The following FAT3 variants were observed in gnomAD, a reference collection of about 807,000 sequenced individuals.
The protein encoded by FAT3 is FAT atypical cadherin 3.
A neutral mutation model predicts 310.2 loss-of-function variants in FAT3; 95 were observed. The ratio of observed to expected loss-of-function variants is 0.31; its 90% CI spans 0.26 to 0.36. FAT3 has a LOEUF of 0.36. FAT3 is among the 10% of genes least tolerant of loss of function. The pLI is 1.00. For synonymous variants in FAT3, 2,314 were observed against 2,192.9 expected (o/e 1.06, Z -1.54); for missense variants, 5,408 against 5,715.6 (o/e 0.95, Z 1.74).
chr11:92,289,500 T>TACACACACACAC (rs10562084), intron 1 of FAT3, among the ~76,000 whole-genome samples: 282 of 144,334 alleles, frequency 2.0e-3, no homozygotes, highest in East Asian at 6.9e-3. Flanking sequence ...CCATGATAGA[T>TACACACACACAC]ACACACACAC....
rs150831066 is a variant in FAT3, at chr11:92,770,998, G to T, written c.4196-3043G>T. Among the ~76,000 whole-genome samples the T allele has an allele frequency of 3.5e-3, 535 of 152,282 alleles. 4 individuals carry two copies. The highest frequency in any genetic ancestry group is 0.012 in the African/African-American group (518 of 41,554). On this transcript the variant is annotated intron_variant, in intron 6 of 27. Coordinates refer to ENST00000525166, the MANE Select transcript of FAT3 (RefSeq NM_001367949.2). ...CCTGTCTTGACCGAAAATGGTCAAA[G>T]AGACACATCCCTGATGTGAATTATC...
chr11:92,740,672 C>T (rs1015005951), intron 4 of FAT3, among the ~76,000 whole-genome samples: 1 of 152,104 alleles, frequency 6.6e-6, no homozygotes, highest in African/African-American at 2.4e-5. Flanking sequence ...AAGATAATTG[C>T]TTTTTCCCCT....
At chr11:92,717,234 A>G (rs779011809) in intron 4 of FAT3, among the ~76,000 whole-genome samples, 1 of 152,180 alleles carries the variant, frequency 6.6e-6, no homozygotes, top group African/African-American at 2.4e-5. Flanking sequence ...AACATATTCA[A>G]TAACTATTTT....
intron 3 of FAT3, among the ~76,000 whole-genome samples, chr11:92,620,535 C>T (rs1000740333): frequency 7.9e-5 from 12 of 152,144 alleles, no homozygotes; most frequent in African/African-American, 2.4e-4. Context: ...CTAACTGTAG[C>T]AATAATCTTG....
At chr11:92,558,402 ATGTGTG>A (rs58362077) in intron 3 of FAT3, among the ~76,000 whole-genome samples, 1 of 150,140 alleles carries the variant, frequency 6.7e-6, no homozygotes, top group African/African-American at 2.4e-5. Context: ...TGTTGTGTTT[ATGTGTG>A]TGTGTGTGTG....
intron 3 of FAT3, among the ~76,000 whole-genome samples, chr11:92,542,632 T>C (rs1954488889): frequency 6.6e-6 from 1 of 151,758 alleles, no homozygotes; most frequent in African/African-American, 2.4e-5. Context: ...AATTGAGATA[T>C]CACCCCACCC....
intron 17 of FAT3, among the ~76,000 whole-genome samples, chr11:92,840,359 G>A (rs1402883652): frequency 6.6e-6 from 1 of 152,194 alleles, no homozygotes; most frequent in Non-Finnish European, 1.5e-5. Context: ...CAAAGATAAG[G>A]AACATGACAC....
intron 19 of FAT3, among the ~76,000 whole-genome samples, chr11:92,850,661 GT>G (rs1202109243): frequency 1.3e-5 from 2 of 152,214 alleles, no homozygotes; most frequent in African/African-American, 4.8e-5. Flanking sequence ...TTTACCATTA[GT>G]TATTGGATTA....
At chr11:92,389,821 A>G (rs890601471) in intron 2 of FAT3, among the ~76,000 whole-genome samples, 3 of 152,210 alleles carry the variant, frequency 2.0e-5, no homozygotes, top group East Asian at 3.9e-4. Flanking sequence ...CTTAAATACT[A>G]TGGAATTAGA....
At chr11:92,683,071 C>CAAA (rs1314048364) in intron 3 of FAT3, among the ~76,000 whole-genome samples, 1 of 34,200 alleles carries the variant, frequency 2.9e-5, no homozygotes, top group Non-Finnish European at 5.3e-5. Flanking sequence ...CAGCAAGACT[C>CAAA]TAAAAAAAAA....
chr11:92,408,383 G>T (rs1479559243), intron 2 of FAT3, among the ~76,000 whole-genome samples: 1 of 152,140 alleles, frequency 6.6e-6, no homozygotes, highest in Non-Finnish European at 1.5e-5. Flanking sequence ...ATAGCAGGGG[G>T]ATAGCTTCGT....
At chr11:92,859,125 T>G (rs1464659588) in intron 20 of FAT3, 40 bp from the exon 21 acceptor site, 1 of 1,586,862 alleles carries the variant, frequency 6.3e-7, no homozygotes, top group South Asian at 1.1e-5. Context: ...CCTTTCTGGA[T>G]GTTAAAAATA....
chr11:92,402,057 A>G (rs971068442), intron 2 of FAT3, among the ~76,000 whole-genome samples: 2 of 152,236 alleles, frequency 1.3e-5, no homozygotes, highest in Non-Finnish European at 2.9e-5. Flanking sequence ...ATTTAAAATA[A>G]TTATGTTTAA....
intron 2 of FAT3, among the ~76,000 whole-genome samples, chr11:92,398,686 T>C (rs1227419922): frequency 6.6e-6 from 1 of 152,110 alleles, no homozygotes; most frequent in Non-Finnish European, 1.5e-5. Flanking sequence ...TCCAACCTAT[T>C]GTGTTTAGGG....
At chr11:92,350,126 CTATTT>C (rs1948525458) in intron 1 of FAT3, among the ~76,000 whole-genome samples, 2 of 152,028 alleles carry the variant, frequency 1.3e-5, no homozygotes, top group Non-Finnish European at 2.9e-5. Context: ...AAACTTTTTC[CTATTT>C]TAGCCAGTAA....
chr11:92,714,856 A>G (rs1012533577), intron 4 of FAT3, among the ~76,000 whole-genome samples: 1 of 152,204 alleles, frequency 6.6e-6, no homozygotes, highest in Non-Finnish European at 1.5e-5. Context: ...GAATGAATGA[A>G]TGAGTGAATG....
chr11:92,225,553 C>T (rs950007085), intron 1 of FAT3, among the ~76,000 whole-genome samples: 1 of 152,058 alleles, frequency 6.6e-6, no homozygotes, highest in South Asian at 2.1e-4. Context: ...GTTCAGGTGG[C>T]GAGCCTGCTT....
chr11:92,890,010 C>T (rs560808838), intron 27 of FAT3, 119 bp downstream of exon 27: 60 of 714,698 alleles, frequency 8.4e-5, no homozygotes, highest in Admixed American at 1.4e-4. Flanking sequence ...TCAGGTGTCT[C>T]GTGCGCTCAG....
At chr11:92,633,291 T>G (rs1941624908) in intron 3 of FAT3, among the ~76,000 whole-genome samples, 1 of 152,166 alleles carries the variant, frequency 6.6e-6, no homozygotes, top group South Asian at 2.1e-4. Context: ...AGTCCTAGTT[T>G]CACTTGGGCT....
Sources: gnomAD v4.1 joint callset for allele counts (sites outside exome capture counted in the v4.1 genomes callset) on GRCh38, gnomAD v4.1.1 for gene constraint, MANE v1.5 for transcripts, NCBI Gene and HGNC (gene_info 2026-07-23, HGNC 2026-07-21) for gene names.